The following CHODL variants were observed in gnomAD, a reference collection of about 807,000 sequenced individuals.
CHODL encodes transmembrane protein MT75.
A neutral mutation model predicts 34.5 loss-of-function variants in CHODL; 29 were observed. The observed-to-expected ratio is 0.84, with a 90% CI of 0.63 to 1.15. CHODL has a LOEUF of 1.15. Ranked by LOEUF, CHODL falls within the 50% of genes most tolerant of loss-of-function variation. The pLI, the probability that CHODL is intolerant of heterozygous loss-of-function variation, is 0.00. For missense variants in CHODL, 332 were observed against 332.5 expected, an observed-to-expected ratio of 1.00 and a Z score of 0.01; for synonymous variants, 125 against 116.1, an observed-to-expected ratio of 1.08 and a Z score of -0.49.
chr21:18,137,633 A>G (rs1688185), intron 2 of CHODL, among the ~76,000 whole-genome samples: 11,923 of 152,262 alleles, frequency 0.078, 1,486 homozygotes, highest in African/African-American at 0.26. Flanking sequence ...ATTCATTAAC[A>G]ACTTTCTTAA....
At chr21:18,010,781 C>T (rs1208211624) in intron 1 of CHODL, among the ~76,000 whole-genome samples, 1 of 152,190 alleles carries the variant, frequency 6.6e-6, no homozygotes, top group Non-Finnish European at 1.5e-5. Flanking sequence ...CTGCAATTTT[C>T]CAATGATTCC....
At chr21:18,226,550 C>T (rs1040590473) in intron 2 of CHODL, among the ~76,000 whole-genome samples, 3 of 152,120 alleles carry the variant, frequency 2.0e-5, no homozygotes, top group East Asian at 1.9e-4. Context: ...CTGCCCGCCT[C>T]GGCTTCCCAA....
chr21:18,026,997 C>CT (rs1485656225), intron 1 of CHODL, among the ~76,000 whole-genome samples: 1 of 152,050 alleles, frequency 6.6e-6, no homozygotes, highest in African/African-American at 2.4e-5. Context: ...TCTGTCCAGG[C>CT]TGGGCGCAGT....
At chr21:18,116,747 G>A (rs1324808421) in intron 2 of CHODL, among the ~76,000 whole-genome samples, 1 of 152,314 alleles carries the variant, frequency 6.6e-6, no homozygotes, top group South Asian at 2.1e-4. Flanking sequence ...ATAGAGAAGG[G>A]TGTGGGTGAA....
At chr21:18,160,935 T>A (rs2073088312) in intron 2 of CHODL, among the ~76,000 whole-genome samples, 1 of 152,228 alleles carries the variant, frequency 6.6e-6, no homozygotes, top group African/African-American at 2.4e-5. Context: ...CTGAACTAAT[T>A]TACATTCCCA....
intron 3 of CHODL, among the ~76,000 whole-genome samples, chr21:18,258,881 T>C (rs1182591133): frequency 6.6e-6 from 1 of 152,102 alleles, no homozygotes; most frequent in African/African-American, 2.4e-5. Context: ...GTGCTTGATT[T>C]TTAGTGATAT....
chr21:18,211,452 T>G (rs1172479659), intron 2 of CHODL, among the ~76,000 whole-genome samples: 1 of 152,118 alleles, frequency 6.6e-6, no homozygotes, highest in African/African-American at 2.4e-5. Flanking sequence ...GGCCCAGCAA[T>G]GAGTCCAAAA....
intron 2 of CHODL, among the ~76,000 whole-genome samples, chr21:18,151,082 C>CAAAAAAAAAAA (rs61176066): frequency 8.1e-6 from 1 of 123,018 alleles, no homozygotes; most frequent in African/African-American, 3.3e-5. Context: ...GACTCTGTGT[C>CAAAAAAAAAAA]AAAAAAAAAA....
intron 2 of CHODL, among the ~76,000 whole-genome samples, chr21:18,152,580 G>A (rs2072983344): frequency 6.6e-6 from 1 of 152,192 alleles, no homozygotes; most frequent in Admixed American, 6.5e-5. Context: ...GTTGTTCTCA[G>A]CTCTTAGAGG....
rs1217900881 is a variant in CHODL at position 17,977,929 on chromosome 21, A to AAAAAAAAG, written c.-144-49938_-144-49937insAAGAAAAA. On this transcript the variant is annotated intron_variant, in intron 1 of 6. Transcript: ENST00000400127. ...CAACACTCCCATCTCAAAAAAAAAA[A>AAAAAAAAG]AAAAAGAAAAAGATACATGGAAGGT... Among the ~76,000 whole-genome samples, 2 of 150,362 alleles carry AAAAAAAAG rather than the reference A, an allele frequency of 1.3e-5. 1 individual carries two copies. Among genetic ancestry groups the AAAAAAAAG allele is most frequent in the African/African-American group, 4.9e-5 (2 of 41,050 alleles).
chr21:17,974,888 G>A (rs908511267), intron 1 of CHODL, among the ~76,000 whole-genome samples: 1 of 149,188 alleles, frequency 6.7e-6, no homozygotes, highest in Non-Finnish European at 1.5e-5. Flanking sequence ...TTTATAAAAA[G>A]ACATTAATTC....
intron 2 of CHODL, among the ~76,000 whole-genome samples, chr21:18,140,113 T>C (rs2072783474): frequency 6.6e-6 from 1 of 152,180 alleles, no homozygotes; most frequent in African/African-American, 2.4e-5. Flanking sequence ...TAAAAATGGC[T>C]AGATTTCTAG....
intron 5 of CHODL, 55 bp from the exon 6 acceptor site, chr21:18,265,899 T>G: frequency 7.1e-7 from 1 of 1,409,534 alleles, no homozygotes; most frequent in Non-Finnish European, 9.9e-7. Context: ...GACGTAGACA[T>G]GCTTAGTTTA....
intron 2 of CHODL, among the ~76,000 whole-genome samples, chr21:18,150,414 A>T (rs1035378145): frequency 2.0e-5 from 3 of 152,166 alleles, no homozygotes; most frequent in Admixed American, 2.0e-4. Context: ...GAGAAAGTCC[A>T]TTCAGATAGT....
At chr21:17,919,573 C>T (rs996845353) in intron 1 of CHODL, among the ~76,000 whole-genome samples, 23 of 152,022 alleles carry the variant, frequency 1.5e-4, no homozygotes, top group Non-Finnish European at 4.4e-5. Flanking sequence ...TTTTTTCCTC[C>T]TAAATCTCCA....
intron 1 of CHODL, among the ~76,000 whole-genome samples, chr21:17,944,386 TC>T (rs1390066280): frequency 6.6e-6 from 1 of 152,154 alleles, no homozygotes; most frequent in Non-Finnish European, 1.5e-5. Flanking sequence ...GATTCTCACC[TC>T]TGTATTTTTT....
chr21:18,184,878 C>A (rs747118693), intron 2 of CHODL, among the ~76,000 whole-genome samples: 5 of 152,210 alleles, frequency 3.3e-5, no homozygotes, highest in Non-Finnish European at 7.4e-5. Flanking sequence ...CCTAGTTCTT[C>A]GTTATTTATG....
intron 2 of CHODL, among the ~76,000 whole-genome samples, chr21:18,206,001 A>C (rs947198683): frequency 2.6e-5 from 4 of 152,320 alleles, no homozygotes; most frequent in African/African-American, 9.6e-5. Context: ...CAGATAAGAT[A>C]CTTGATATAA....
At chr21:18,011,243 A>C (rs1026767960) in intron 1 of CHODL, among the ~76,000 whole-genome samples, 11 of 152,038 alleles carry the variant, frequency 7.2e-5, no homozygotes, top group African/African-American at 2.7e-4. Context: ...TTTTTGGCTA[A>C]TAACTTAGCT....
Sources: gnomAD v4.1 joint callset for allele counts (sites outside exome capture counted in the v4.1 genomes callset) on GRCh38, gnomAD v4.1.1 for gene constraint, MANE v1.5 for transcripts, NCBI Gene and HGNC (gene_info 2026-07-23, HGNC 2026-07-21) for gene names.